The following ATP13A5 variants were observed in gnomAD, a reference collection of about 807,000 sequenced individuals.
The protein encoded by ATP13A5 is ATPase 13A5, also known as probable cation-transporting ATPase 13A5.
Under a neutral mutation model 150.2 loss-of-function variants are expected in ATP13A5, and 149 were observed. The observed-to-expected ratio is 0.99, with a 90% CI of 0.87 to 1.14. The LOEUF (loss-of-function observed/expected upper bound fraction) is 1.14. Among genes scored for constraint, ATP13A5 ranks in the 50% most tolerant of loss-of-function variants. The pLI is 0.00. For missense variants in ATP13A5, 1,383 were observed against 1,449.3 expected (o/e 0.95, Z 0.74); for synonymous variants, 497 against 522.2 (o/e 0.95, Z 0.66).
At position 193,274,873 on chromosome 3, in the gene ATP13A5, A is replaced by C; in HGVS notation, c.*169T>G. The stretch of plus-strand genomic sequence containing the variant: ...TCTCATTGGTAAAGCATACAGTCAG[A>C]ATAAGCCTATCTAAGGTCCCTTGCT... On this transcript the variant is annotated 3_prime_UTR_variant, in exon 30 of 30. Coordinates refer to ENST00000342358, the MANE Select transcript of ATP13A5 (RefSeq NM_198505.4). 1.1e-6 allele frequency: 1 copy of C among 870,330 alleles called. No individual in the cohort carries two copies. The highest frequency in any genetic ancestry group is 1.7e-5 in the South Asian group (1 of 59,578). 53.9% of individuals were successfully genotyped at this position (870,330 alleles called of 1,614,324 possible).
At chr3:193,314,241 A>T in intron 18 of ATP13A5, 48 bp from the exon 19 acceptor site, 3 of 1,589,238 alleles carry the variant, frequency 1.9e-6, no homozygotes, top group Non-Finnish European at 1.7e-6. Context: ...ACCTCCCCTC[A>T]GCAACAAGAA....
At chr3:193,367,993 AAGGGG>A (rs1254565997) in intron 1 of ATP13A5, among the ~76,000 whole-genome samples, 13 of 143,000 alleles carry the variant, frequency 9.1e-5, no homozygotes, top group Non-Finnish European at 1.4e-4. Flanking sequence ...AAGGAAAGGG[AAGGGG>A]AGGGGAGGGG....
intron 26 of ATP13A5, among the ~76,000 whole-genome samples, chr3:193,287,721 C>T (rs943820492): frequency 4.6e-5 from 7 of 152,092 alleles, no homozygotes; most frequent in African/African-American, 1.4e-4. Context: ...TATTCTGTAG[C>T]CCATGGATCA....
At chr3:193,354,069 T>C (rs1370838561) in intron 6 of ATP13A5, 58 bp downstream of exon 6, 21 of 1,412,720 alleles carry the variant, frequency 1.5e-5, no homozygotes, top group Non-Finnish European at 1.9e-5. Flanking sequence ...TTCTAGGAAG[T>C]AAGAAGTAAG....
rs781517297 is a variant in ATP13A5 at position 193,307,362 on chromosome 3, C to T, written c.2533G>A (p.Val845Met). ...IEEFQKLNYY[V>M]GMCGDGANDC... Reference sequence around the variant, plus strand: ...TTAGCTCCATCTCCACACATGCCCACATAATAACTGCGGGAGACAGGAGAA... The same window carrying T: ...TTAGCTCCATCTCCACACATGCCCATATAATAACTGCGGGAGACAGGAGAA... The change falls in exon 22 of 30, where the codon GTG becomes ATG. Residue 845 changes from valine to methionine, a missense_variant. This residue lies in a region of ATP13A5 where 568 missense variants were observed against 621.5 expected (regional missense o/e 0.91). Coordinates refer to ENST00000342358, the MANE Select transcript of ATP13A5 (RefSeq NM_198505.4). The T allele has an allele frequency of 6.2e-7, 1 of 1,613,856 alleles. No homozygotes were observed. Among genetic ancestry groups the T allele is most frequent in the Non-Finnish European group, 8.5e-7 (1 of 1,179,880 alleles).
intron 12 of ATP13A5, among the ~76,000 whole-genome samples, chr3:193,328,635 AG>A (rs772862049): frequency 5.4e-4 from 82 of 152,344 alleles, no homozygotes; most frequent in Admixed American, 1.2e-3. Flanking sequence ...ATTATAGTTG[AG>A]GTTCTAAGGG....
rs1285856413 is a variant in ATP13A5 at position 193,322,513 on chromosome 3, T to C, written c.1736A>G (p.Lys579Arg). Residue 579 changes from lysine (K) to arginine (R), a missense_variant, in exon 15 of 30, where the codon AAA becomes AGA. Lys to Arg is a conservative substitution (Grantham distance 26, BLOSUM62 2). Transcript: ENST00000342358. ...KFGTSVSNIIKPGPKASKSPV... is the reference protein window; with the variant it reads ...KFGTSVSNIIRPGPKASKSPV... ...TACCTTACTGGCTTTTGGTCCTGGT[T>C]TTATGATGTTTGAAACTGACGTCCC... The C allele has an allele frequency of 2.5e-6, 4 of 1,613,820 alleles. No individual in the cohort carries two copies. Among genetic ancestry groups the C allele is most frequent in the Non-Finnish European group, 3.4e-6 (4 of 1,179,754 alleles).
intron 11 of ATP13A5, 131 bp from the exon 12 acceptor site, chr3:193,331,442 C>A (rs534330418): frequency 1.3e-6 from 1 of 742,336 alleles, no homozygotes; most frequent in Non-Finnish European, 2.0e-6. Flanking sequence ...TACTCCCAGT[C>A]CACCAACCCC....
chr3:193,345,988 C>T (rs1712320664), intron 7 of ATP13A5, among the ~76,000 whole-genome samples: 1 of 152,080 alleles, frequency 6.6e-6, no homozygotes, highest in Non-Finnish European at 1.5e-5. Flanking sequence ...CCATCCTCTC[C>T]TTTATGAACT....
In ATP13A5 at chr3:193,288,761, A is replaced by G. The variant is rs1442553717; in HGVS notation, c.3023+1124T>C. On this transcript the variant is annotated intron_variant, in intron 26 of 29. Coordinates refer to ENST00000342358, the MANE Select transcript of ATP13A5 (RefSeq NM_198505.4). ...AGCATTTTTACAAAAAGAGGAACAG[A>G]CAGACTAGATGGCCTGAATTATAGA... Among the ~76,000 whole-genome samples, 3 of 152,254 alleles carry G rather than the reference A, an allele frequency of 2.0e-5. No individual in the cohort carries two copies. In the East Asian group the frequency reaches 5.8e-4, roughly 29 times the overall value.
intron 17 of ATP13A5, among the ~76,000 whole-genome samples, chr3:193,315,972 C>T (rs897529587): frequency 2.6e-5 from 4 of 152,022 alleles, no homozygotes; most frequent in Admixed American, 2.0e-4. Context: ...CTCCCCCTAG[C>T]CCTTGGTAAT....
rs577937975 is a variant in ATP13A5, at chr3:193,316,766, G to T, written c.2034-1670C>A. On this transcript the variant is annotated intron_variant, in intron 17 of 29. Coordinates refer to ENST00000342358, the MANE Select transcript of ATP13A5 (RefSeq NM_198505.4). The stretch of plus-strand genomic sequence containing the variant: ...GCAGAGATTTTCTGCCATTTTATAG[G>T]TTGCTATTTCACTCTGTTATTTCCT... 8.5e-5 allele frequency among the ~76,000 whole-genome samples: 13 copies of T among 152,122 alleles called. No individual in the cohort carries two copies. The East Asian group carries it at 2.1e-3, about 25-fold the overall frequency.
At chr3:193,307,880 T>C (rs887946928) in intron 21 of ATP13A5, among the ~76,000 whole-genome samples, 1 of 152,202 alleles carries the variant, frequency 6.6e-6, no homozygotes, top group African/African-American at 2.4e-5. Flanking sequence ...AAATAAGATA[T>C]GTTTTCCATC....
chr3:193,371,183 A>T (rs1158686506), intron 1 of ATP13A5, among the ~76,000 whole-genome samples: 2 of 152,236 alleles, frequency 1.3e-5, no homozygotes, highest in Non-Finnish European at 2.9e-5. Flanking sequence ...CAACATGGCA[A>T]GTTCGGTTAA....
chr3:193,276,706 T>C, intron 29 of ATP13A5, 44 bp downstream of exon 29: 4 of 1,403,730 alleles, frequency 2.8e-6, no homozygotes, highest in Non-Finnish European at 4.0e-6. Context: ...AATGAGATCC[T>C]TAATTTGTTT....
rs1717119046 is a variant in ATP13A5 at position 193,275,011 on chromosome 3, T to C, written c.*31A>G. The C allele has an allele frequency of 6.2e-7, 1 of 1,610,490 alleles. No individual in the cohort carries two copies. Among genetic ancestry groups the C allele is most frequent in the South Asian group, 1.1e-5 (1 of 90,608 alleles). On this transcript the variant is annotated 3_prime_UTR_variant, in exon 30 of 30. Transcript: ENST00000342358. ...GTGTTAATTTTGGGGAAAAAAGCAA[T>C]GCTGTTGAGCATGTACGACGACAAT... is the stretch of plus-strand genomic sequence containing the variant.
chr3:193,303,684 T>C (rs891471458), intron 23 of ATP13A5, among the ~76,000 whole-genome samples: 15 of 152,028 alleles, frequency 9.9e-5, no homozygotes, highest in Non-Finnish European at 1.9e-4. Flanking sequence ...CAGCACGTGA[T>C]GCGAGAGTGG....
Position 193,334,945 on chromosome 3 carries a change from T to C in ATP13A5, c.1098A>G (p.Ala366=), listed in dbSNP as rs749735286. The C allele has an allele frequency of 1.9e-6, 3 of 1,613,292 alleles. No homozygotes were observed. The highest frequency in any genetic ancestry group is 2.2e-5 in the South Asian group (2 of 90,940). Residue 366 remains alanine, a synonymous_variant, in exon 10 of 30, where the codon GCA becomes GCG. Transcript: ENST00000342358. ...VKPSGQGPVR[A]VVLQTGYNTA... Reference sequence around the variant, plus strand: ...TCCACTAACCTGTTTGCAAAACGACTGCTCGTACAGGCCCCTGCCCAGAGG... The same window carrying C: ...TCCACTAACCTGTTTGCAAAACGACCGCTCGTACAGGCCCCTGCCCAGAGG...
intron 9 of ATP13A5, among the ~76,000 whole-genome samples, chr3:193,343,440 C>T (rs547184103): frequency 4.6e-5 from 7 of 152,266 alleles, no homozygotes; most frequent in East Asian, 1.9e-4. Flanking sequence ...CGTCTTTGCC[C>T]GGAGGTTCAA....
Sources: allele counts gnomAD v4.1 joint callset (sites outside exome capture counted in the v4.1 genomes callset), GRCh38; gene constraint gnomAD v4.1.1; regional missense constraint gnomAD v4.1.1; transcripts MANE v1.5; gene names NCBI Gene and HGNC (gene_info 2026-07-23, HGNC 2026-07-21).